SEPTIN2: variants seen among roughly 807,000 people sequenced by gnomAD.
SEPTIN2 encodes septin 2, also known as septin-2.
Under a neutral mutation model 46.5 loss-of-function variants are expected in SEPTIN2, and 34 were observed. That is an observed-to-expected ratio of 0.73 (90% CI 0.56 to 0.97). The LOEUF is 0.97. Among genes scored for constraint, SEPTIN2 ranks in the 50% least tolerant of loss-of-function variants. SEPTIN2 has a pLI of 0.00. For missense variants in SEPTIN2, 347 were observed against 448.4 expected (o/e 0.77, Z 2.04); for synonymous variants, 175 against 153.4 (o/e 1.14, Z -1.04).
Position 241,352,286 on chromosome 2 carries a change from A to G in SEPTIN2, c.*349A>G, listed in dbSNP as rs1182104773. The G allele has an allele frequency of 2.0e-5, 3 of 152,660 alleles. No individual in the cohort carries two copies. Among genetic ancestry groups the G allele is most frequent in the African/African-American group, 7.2e-5 (3 of 41,460 alleles). 9.5% of individuals were successfully genotyped at this position (152,660 alleles called of 1,614,324 possible). The stretch of plus-strand genomic sequence containing the variant: ...TAACTGACTTAACAACTGACTAACC[A>G]TTGATGAGCACTCCTGATTTTTATC... On this transcript the variant is annotated 3_prime_UTR_variant, in exon 13 of 13. Coordinates refer to ENST00000391971, the MANE Select transcript of SEPTIN2 (RefSeq NM_004404.5).
intron 7 of SEPTIN2, among the ~76,000 whole-genome samples, chr2:241,342,548 T>C (rs2081396822): frequency 6.9e-6 from 1 of 144,478 alleles, no homozygotes; most frequent in East Asian, 2.0e-4. Context: ...TTTTTTTTTT[T>C]TTTTTTTTTT....
At chr2:241,326,373 T>TA (rs2077968096) in intron 3 of SEPTIN2, among the ~76,000 whole-genome samples, 1 of 152,266 alleles carries the variant, frequency 6.6e-6, no homozygotes. Context: ...CAGTGATTCT[T>TA]ATCTCCTGGT....
chr2:241,337,625 T>A (rs577584266), intron 6 of SEPTIN2, 48 bp from the exon 7 acceptor site: 2 of 1,584,148 alleles, frequency 1.3e-6, no homozygotes, highest in Non-Finnish European at 1.7e-6. Context: ...GAGAAGAGTT[T>A]TGTATGTATT....
intron 2 of SEPTIN2, chr2:241,324,543 A>C (rs765176609): frequency 7.0e-6 from 3 of 426,276 alleles, no homozygotes; most frequent in South Asian, 5.6e-5. Flanking sequence ...ACGTGCCACC[A>C]CGCTGGCTAA....
intron 7 of SEPTIN2, among the ~76,000 whole-genome samples, chr2:241,338,609 TATATATA>T (rs1559641264): frequency 7.6e-6 from 1 of 131,986 alleles, no homozygotes; most frequent in Non-Finnish European, 1.5e-5. Context: ...ATATATTTTA[TATATATA>T]ATATATAATT....
intron 1 of SEPTIN2, among the ~76,000 whole-genome samples, chr2:241,321,179 T>G (rs2077062422): frequency 6.6e-6 from 1 of 152,200 alleles, no homozygotes. Context: ...ATTTGTTGTA[T>G]TACTCAGTTC....
chr2:241,352,304 T>A lies in SEPTIN2; in HGVS notation c.*367T>A, dbSNP rs1397876324. Reference sequence around the variant, plus strand: ...ACTAACCATTGATGAGCACTCCTGATTTTTATCTAGAACATTCAGATTTAC... The same window carrying A: ...ACTAACCATTGATGAGCACTCCTGAATTTTATCTAGAACATTCAGATTTAC... On this transcript the variant is annotated 3_prime_UTR_variant, in exon 13 of 13. Coordinates refer to ENST00000391971, the MANE Select transcript of SEPTIN2 (RefSeq NM_004404.5). 1 of 152,584 alleles carries A rather than the reference T, an allele frequency of 6.6e-6. No individual in the cohort carries two copies. Among genetic ancestry groups the A allele is most frequent in the African/African-American group, 2.4e-5 (1 of 41,442 alleles). 9.5% of individuals were successfully genotyped at this position (152,584 alleles called of 1,614,324 possible).
At chr2:241,350,824 C>A (rs1448643273) in intron 12 of SEPTIN2, among the ~76,000 whole-genome samples, 1 of 152,056 alleles carries the variant, frequency 6.6e-6, no homozygotes, top group Non-Finnish European at 1.5e-5. Context: ...AGGCAGATGC[C>A]CACTCCCCTG....
chr2:241,318,702 CTTTTTT>C (rs1284874061), intron 1 of SEPTIN2, among the ~76,000 whole-genome samples: 1 of 132,440 alleles, frequency 7.6e-6, no homozygotes, highest in African/African-American at 2.8e-5. Flanking sequence ...TTTGTATTTT[CTTTTTT>C]TTTTTTTTTT....
At chr2:241,345,081 C>T (rs1372554344) in intron 9 of SEPTIN2, among the ~76,000 whole-genome samples, 1 of 151,952 alleles carries the variant, frequency 6.6e-6, no homozygotes, top group Non-Finnish European at 1.5e-5. Context: ...CCACTGCACT[C>T]CAGCCTGGGC....
chr2:241,329,094 T>A (rs1331239286), intron 3 of SEPTIN2, among the ~76,000 whole-genome samples: 1 of 151,758 alleles, frequency 6.6e-6, no homozygotes, highest in African/African-American at 2.4e-5. Context: ...AATGTAAATC[T>A]TTTGTTGTTG....
chr2:241,317,376 A>G, intron 1 of SEPTIN2: 1 of 195,168 alleles, frequency 5.1e-6, no homozygotes, highest in Non-Finnish European at 9.3e-6. Flanking sequence ...GAGCGTTTTA[A>G]TTAGATCAGA....
intron 5 of SEPTIN2, chr2:241,336,360 G>A: frequency 2.4e-6 from 1 of 424,426 alleles, no homozygotes; most frequent in Non-Finnish European, 4.2e-6. Flanking sequence ...CTGGATTTGA[G>A]CCGTGGTTGG....
intron 12 of SEPTIN2, 123 bp from the exon 13 acceptor site, chr2:241,351,844 T>C (rs1575424160): frequency 6.6e-6 from 1 of 152,242 alleles, no homozygotes; most frequent in African/African-American, 2.4e-5. Flanking sequence ...TTTGTGGTCA[T>C]GTAAGCCCTG....
At chr2:241,316,565 G>T in intron 1 of SEPTIN2, 1 of 1,509,906 alleles carries the variant, frequency 6.6e-7, no homozygotes, top group African/African-American at 1.4e-5. Flanking sequence ...GGCACGGACA[G>T]GCAGCAGGGG....
In SEPTIN2 at chr2:241,335,980, A is replaced by G; in HGVS notation, c.223A>G (p.Ile75Val). The G allele has an allele frequency of 1.9e-6, 3 of 1,614,130 alleles. No individual in the cohort carries two copies. The highest frequency in any genetic ancestry group is 2.5e-6 in the Non-Finnish European group (3 of 1,180,020). ...TAAGTTTGTTTCTTTTCTAGAAAAA[A>G]TTGAAAGAACTGTCCAGATTGAGGC... ...ERVIPGAAEK[I>V]ERTVQIEAST... Residue 75 changes from isoleucine (I) to valine (V), a missense_variant, in exon 5 of 13, where the codon ATT becomes GTT. Transcript: ENST00000391971.
chr2:241,333,300 T>G (rs1004759533), intron 3 of SEPTIN2, among the ~76,000 whole-genome samples: 1 of 152,196 alleles, frequency 6.6e-6, no homozygotes, highest in Non-Finnish European at 1.5e-5. Context: ...AGGCAGTTTT[T>G]AAAATTTTGT....
rs187848056 is a variant in SEPTIN2, at chr2:241,325,777, A to G, written c.10-216A>G. ...AAATGTTAATTTTCAGTCGCATACA[A>G]CTAAGGAGTTATACTAGATAAGTTT... On this transcript the variant is annotated intron_variant, in intron 2 of 12. Transcript: ENST00000391971. Among the ~76,000 whole-genome samples, 105 of 152,282 alleles carry G rather than the reference A, an allele frequency of 6.9e-4. 2 individuals are homozygous for G. In the East Asian group the frequency reaches 0.018, roughly 26 times the overall value.
At chr2:241,318,114 T>G (rs1335981535) in intron 1 of SEPTIN2, 1 of 149,924 alleles carries the variant, frequency 6.7e-6, no homozygotes, top group Non-Finnish European at 1.5e-5. Flanking sequence ...ATCCAAGTTA[T>G]GTTTCAGAAA....
Sources: gnomAD v4.1 joint callset for allele counts (sites outside exome capture counted in the v4.1 genomes callset) on GRCh38, gnomAD v4.1.1 for gene constraint, MANE v1.5 for transcripts, NCBI Gene and HGNC (gene_info 2026-07-23, HGNC 2026-07-21) for gene names.